CCDC148: variants seen among roughly 807,000 people sequenced by gnomAD.
The protein encoded by CCDC148 is coiled-coil domain containing 148.
CCDC148 carries 89 observed loss-of-function variants against 85.7 expected under a neutral mutation model. That is an observed-to-expected ratio of 1.04 (90% confidence interval 0.87 to 1.24). CCDC148 has a LOEUF of 1.24. Ranked by LOEUF, CCDC148 falls within the 50% of genes most tolerant of loss-of-function variation. The pLI is 0.00. For missense variants in CCDC148, 692 were observed against 671.7 expected, an observed-to-expected ratio of 1.03 and a Z score of -0.33; for synonymous variants, 230 against 213.9, an observed-to-expected ratio of 1.08 and a Z score of -0.66.
At chr2:158,218,289 C>T (rs529715042) in intron 11 of CCDC148, among the ~76,000 whole-genome samples, 1 of 152,238 alleles carries the variant, frequency 6.6e-6, no homozygotes, top group South Asian at 2.1e-4. Context: ...CAAAACAGAG[C>T]CTGTAGAGGT....
At chr2:158,406,499 C>T (rs1686004201) in intron 1 of CCDC148, among the ~76,000 whole-genome samples, 1 of 151,860 alleles carries the variant, frequency 6.6e-6, no homozygotes, top group Non-Finnish European at 1.5e-5. Flanking sequence ...CCCTTTTGTT[C>T]TCTCTAATAT....
At chr2:158,427,752 C>T (rs961025124) in intron 1 of CCDC148, among the ~76,000 whole-genome samples, 2 of 152,052 alleles carry the variant, frequency 1.3e-5, no homozygotes, top group African/African-American at 4.8e-5. Context: ...TGCCTATAAT[C>T]TCAGCTACCT....
intron 1 of CCDC148, among the ~76,000 whole-genome samples, chr2:158,420,838 C>T (rs968657304): frequency 1.3e-5 from 2 of 151,966 alleles, no homozygotes; most frequent in South Asian, 2.1e-4. Flanking sequence ...ATTCAGGAGA[C>T]CCATCTCACG....
chr2:158,424,050 TAA>T (rs1334019546), intron 1 of CCDC148, among the ~76,000 whole-genome samples: 1 of 152,180 alleles, frequency 6.6e-6, no homozygotes, highest in Non-Finnish European at 1.5e-5. Flanking sequence ...TGGTGATCAT[TAA>T]AAAGTGAGGA....
rs201385956 is a variant in CCDC148, at chr2:158,309,643, A to G, written c.904-4T>C. 113 of 1,600,774 alleles carry G rather than the reference A, an allele frequency of 7.1e-5. No individual in the cohort carries two copies. The highest frequency in any genetic ancestry group is 9.5e-5 in the Non-Finnish European group (111 of 1,169,876). Reference sequence around the variant, plus strand: ...CACAATATTTCTCGTGTTCAACCTGAAAAGATAACAGAGGGTGAATACTTA... The same window carrying G: ...CACAATATTTCTCGTGTTCAACCTGGAAAGATAACAGAGGGTGAATACTTA... On this transcript the variant is annotated splice_region_variant and splice_polypyrimidine_tract_variant and intron_variant, in intron 8 of 13. Transcript: ENST00000283233.
chr2:158,201,232 C>G (rs1459057407), intron 11 of CCDC148, among the ~76,000 whole-genome samples: 1 of 152,086 alleles, frequency 6.6e-6, no homozygotes, highest in African/African-American at 2.4e-5. Flanking sequence ...TTCTTTTACA[C>G]TGAGTCCTAG....
At chr2:158,382,339 A>G (rs1257514175) in intron 1 of CCDC148, among the ~76,000 whole-genome samples, 3 of 152,130 alleles carry the variant, frequency 2.0e-5, no homozygotes, top group African/African-American at 7.2e-5. Flanking sequence ...TCACTATTAG[A>G]TTTTTGTTAT....
chr2:158,351,467 G>GGTAACGAAC lies in CCDC148; in HGVS notation c.148-6150_148-6149insGTTCGTTAC, dbSNP rs1553511222. On this transcript the variant is annotated intron_variant, in intron 2 of 13. Transcript: ENST00000283233. ...AGTTCCCTTTCCGAGTCAAAGAAAG[G>GGTAACGAAC]GGCACCTGGAAAATCGGGTCACTCC... 3.3e-5 allele frequency among the ~76,000 whole-genome samples: 5 copies of GGTAACGAAC among 150,364 alleles called. No homozygotes were observed. In the East Asian group the frequency reaches 1.0e-3, roughly 30 times the overall value.
chr2:158,443,890 T>C (rs77571593), intron 1 of CCDC148, among the ~76,000 whole-genome samples: 26,940 of 152,162 alleles, frequency 0.18, 3,116 homozygotes, highest in Middle Eastern at 0.26. Flanking sequence ...CCACCAACTA[T>C]ATTAAACACA....
At chr2:158,448,940 G>A (rs766979766) in intron 1 of CCDC148, among the ~76,000 whole-genome samples, 13 of 151,880 alleles carry the variant, frequency 8.6e-5, no homozygotes, top group Non-Finnish European at 2.9e-5. Context: ...CAATCCTCCA[G>A]CCTCAGCCTC....
chr2:158,358,620 T>C (rs1683782596), intron 1 of CCDC148, 50 bp from the exon 2 acceptor site: 1 of 1,351,530 alleles, frequency 7.4e-7, no homozygotes, highest in Admixed American at 3.0e-5. Context: ...ATCATGTTAT[T>C]GGAAGTCAAA....
chr2:158,290,491 C>T (rs1250553651), intron 9 of CCDC148, among the ~76,000 whole-genome samples: 4 of 152,162 alleles, frequency 2.6e-5, no homozygotes, highest in Non-Finnish European at 5.9e-5. Flanking sequence ...GGCATTTACG[C>T]TTGCTGTTCC....
intron 9 of CCDC148, among the ~76,000 whole-genome samples, chr2:158,290,143 A>C (rs573842155): frequency 6.6e-6 from 1 of 152,280 alleles, no homozygotes; most frequent in African/African-American, 2.4e-5. Flanking sequence ...GGTTGAGGTG[A>C]GGCACACAGG....
intron 10 of CCDC148, among the ~76,000 whole-genome samples, chr2:158,240,452 TCA>T (rs4028276): frequency 0.086 from 10,344 of 120,318 alleles, 333 homozygotes; most frequent in African/African-American, 0.089. Context: ...TCTCTCTCTC[TCA>T]CACACACACA....
intron 11 of CCDC148, among the ~76,000 whole-genome samples, chr2:158,205,885 C>T (rs1164972526): frequency 6.6e-6 from 1 of 152,110 alleles, no homozygotes; most frequent in Non-Finnish European, 1.5e-5. Context: ...ACTAGAATGT[C>T]TTATAGAGCA....
chr2:158,261,354 A>G (rs1689214745), intron 9 of CCDC148, among the ~76,000 whole-genome samples: 1 of 152,080 alleles, frequency 6.6e-6, no homozygotes, highest in East Asian at 1.9e-4. Flanking sequence ...CTTACATCAT[A>G]TATAAAAATC....
intron 9 of CCDC148, among the ~76,000 whole-genome samples, chr2:158,251,370 A>G (rs956327240): frequency 2.0e-5 from 3 of 151,852 alleles, no homozygotes; most frequent in African/African-American, 7.2e-5. Flanking sequence ...TAAGATGAAA[A>G]ATAATTGTAA....
chr2:158,409,073 G>T (rs186353683), intron 1 of CCDC148, among the ~76,000 whole-genome samples: 3 of 151,942 alleles, frequency 2.0e-5, no homozygotes, highest in East Asian at 3.9e-4. Flanking sequence ...TATAGAGAGA[G>T]AAATATATAT....
intron 12 of CCDC148, chr2:158,177,938 G>T (rs1684677686): frequency 6.6e-6 from 1 of 152,068 alleles, no homozygotes. Context: ...TCATAAAGTT[G>T]TTGTAGAAAT....
Sources: allele counts gnomAD v4.1 joint callset (sites outside exome capture counted in the v4.1 genomes callset), GRCh38; gene constraint gnomAD v4.1.1; transcripts MANE v1.5; gene names NCBI Gene and HGNC (gene_info 2026-07-23, HGNC 2026-07-21).